Variants in DISC1 observed in about 807,000 individuals in gnomAD.
DISC1 encodes disrupted in schizophrenia 1 protein.
Under a neutral mutation model 84.5 loss-of-function variants are expected in DISC1, and 57 were observed. The observed-to-expected ratio is 0.67, with a 90% CI of 0.55 to 0.84. The LOEUF is 0.84. DISC1 is among the 40% of genes least tolerant of loss of function. The pLI is 0.00. For synonymous variants in DISC1, 411 were observed against 415.2 expected (o/e 0.99, Z 0.12); for missense variants, 1,000 against 1,057.8 (o/e 0.95, Z 0.76).
intron 3 of DISC1, among the ~76,000 whole-genome samples, chr1:231,746,195 T>A (rs1479674229): frequency 6.6e-6 from 1 of 152,192 alleles, no homozygotes; most frequent in Non-Finnish European, 1.5e-5. Flanking sequence ...CACATATGAG[T>A]GAAAACATGT....
chr1:231,760,994 T>C (rs1006594383), intron 4 of DISC1, among the ~76,000 whole-genome samples: 2 of 152,222 alleles, frequency 1.3e-5, no homozygotes, highest in Non-Finnish European at 2.9e-5. Flanking sequence ...ATGGTAAAAA[T>C]TGTCAATGGA....
At chr1:231,985,688 A>T (rs1664327388) in intron 10 of DISC1, among the ~76,000 whole-genome samples, 2 of 152,174 alleles carry the variant, frequency 1.3e-5, no homozygotes, top group Admixed American at 1.3e-4. Flanking sequence ...TATGTCTGTT[A>T]GCCATTTGTA....
chr1:231,766,288 T>TAAA (rs61578768), intron 4 of DISC1, among the ~76,000 whole-genome samples: 1,463 of 105,932 alleles, frequency 0.014, 34 homozygotes, highest in African/African-American at 0.031. Context: ...AGACATTATC[T>TAAA]AAAAAAAAAA....
intron 10 of DISC1, among the ~76,000 whole-genome samples, chr1:232,004,333 C>T (rs1416640218): frequency 1.3e-5 from 2 of 151,640 alleles, no homozygotes; most frequent in Non-Finnish European, 2.9e-5. Context: ...TTTGATAAGA[C>T]TGAATAAGAT....
intron 1 of DISC1, among the ~76,000 whole-genome samples, chr1:231,656,702 G>C (rs560560742): frequency 5.3e-4 from 81 of 152,270 alleles, no homozygotes; most frequent in Middle Eastern, 6.8e-3. Flanking sequence ...GTGCCATGGT[G>C]GTTTGCTGCA....
intron 9 of DISC1, among the ~76,000 whole-genome samples, chr1:231,893,140 G>T (rs374821541): frequency 1.5e-4 from 23 of 152,192 alleles, no homozygotes; most frequent in African/African-American, 4.8e-4. Flanking sequence ...TCCTGCCTGG[G>T]TGACACAGCA....
chr1:231,864,965 G>T (rs1292853522), intron 9 of DISC1, among the ~76,000 whole-genome samples: 7 of 152,168 alleles, frequency 4.6e-5, no homozygotes, highest in African/African-American at 1.7e-4. Flanking sequence ...TCTCAGTTAT[G>T]TAGTTATGAA....
rs1670583751 is a variant in DISC1 at position 232,037,248 on chromosome 1, A to G, written c.*417A>G. The G allele has an allele frequency of 6.5e-6, 1 of 153,142 alleles. No homozygotes were observed. Among genetic ancestry groups the G allele is most frequent in the South Asian group, 2.1e-4 (1 of 4,852 alleles). The allele number at this position is 153,142 out of a possible 1,614,324, so 9.5% of individuals were successfully genotyped here. A position where few individuals can be genotyped will look rare whatever the true frequency, so the allele number is the denominator to read the frequency against. On this transcript the variant is annotated 3_prime_UTR_variant, in exon 13 of 13. Transcript: ENST00000439617. Reference sequence around the variant, plus strand: ...TTCAAGATTCTATAAAAAGGAAACCAAGCATAAGACTCTGTCATCATACCT... The same window carrying G: ...TTCAAGATTCTATAAAAAGGAAACCGAGCATAAGACTCTGTCATCATACCT...
chr1:231,722,276 A>G (rs2069886232), intron 3 of DISC1, among the ~76,000 whole-genome samples: 1 of 151,986 alleles, frequency 6.6e-6, no homozygotes, highest in Non-Finnish European at 1.5e-5. Context: ...TTCATGTTTG[A>G]TAGAAGCTTG....
At chr1:231,800,820 T>A (rs1243032291) in intron 8 of DISC1, among the ~76,000 whole-genome samples, 1 of 151,962 alleles carries the variant, frequency 6.6e-6, no homozygotes, top group Non-Finnish European at 1.5e-5. Context: ...AATGGACTGA[T>A]GGGGAGGTTG....
intron 6 of DISC1, among the ~76,000 whole-genome samples, chr1:231,780,143 C>T (rs1437635188): frequency 6.7e-5 from 10 of 148,160 alleles, no homozygotes; most frequent in Admixed American, 3.4e-4. Flanking sequence ...TGCTAGATGA[C>T]GAGTTAGTGG....
intron 9 of DISC1, among the ~76,000 whole-genome samples, chr1:231,839,270 T>C (rs555524195): frequency 6.6e-6 from 1 of 152,248 alleles, no homozygotes; most frequent in African/African-American, 2.4e-5. Flanking sequence ...TTGGGAAAGT[T>C]TGCTAATCAC....
intron 10 of DISC1, among the ~76,000 whole-genome samples, chr1:231,999,531 G>A (rs371340782): frequency 8.2e-4 from 125 of 152,180 alleles, no homozygotes; most frequent in African/African-American, 2.9e-3. Flanking sequence ...CACCTGGTTA[G>A]CCAGGAGCCC....
At chr1:231,987,383 C>T (rs1304359287) in intron 10 of DISC1, among the ~76,000 whole-genome samples, 1 of 152,216 alleles carries the variant, frequency 6.6e-6, no homozygotes, top group Non-Finnish European at 1.5e-5. Context: ...GGTTAAGATG[C>T]ACTTTGTATT....
At position 231,732,861 on chromosome 1, in the gene DISC1, G is replaced by A. The variant is rs149637055; in HGVS notation, c.1118-17065G>A. On this transcript the variant is annotated intron_variant, in intron 3 of 12. Coordinates refer to ENST00000439617, the MANE Select transcript of DISC1 (RefSeq NM_018662.3). ...AGCGGAGGTGATAGTAGCAGTGGTCGTGGTGCTGATGATAGTACGTGTGAG... is the reference window on the plus strand; with the variant it reads ...AGCGGAGGTGATAGTAGCAGTGGTCATGGTGCTGATGATAGTACGTGTGAG... Among the ~76,000 whole-genome samples the A allele has an allele frequency of 1.6e-4, 24 of 152,334 alleles. No individual in the cohort carries two copies. In the East Asian group the frequency reaches 4.2e-3, roughly 27 times the overall value.
chr1:231,882,247 A>G (rs1315200914), intron 9 of DISC1, among the ~76,000 whole-genome samples: 1 of 152,154 alleles, frequency 6.6e-6, no homozygotes, highest in Non-Finnish European at 1.5e-5. Context: ...GGAAGAGATA[A>G]TCTCTAAATA....
chr1:232,010,607 T>A (rs1164474961), intron 11 of DISC1, among the ~76,000 whole-genome samples: 2 of 151,912 alleles, frequency 1.3e-5, no homozygotes, highest in African/African-American at 4.8e-5. Context: ...ACAGACAGAG[T>A]AACAAGAGAA....
At chr1:231,812,000 G>A (rs2080347767) in intron 8 of DISC1, among the ~76,000 whole-genome samples, 1 of 152,142 alleles carries the variant, frequency 6.6e-6, no homozygotes, top group African/African-American at 2.4e-5. Flanking sequence ...CTCAAATAAT[G>A]ACCTCAGGTG....
At chr1:231,750,614 C>G in intron 4 of DISC1, 1 of 982,278 alleles carries the variant, frequency 1.0e-6, no homozygotes, top group Non-Finnish European at 1.2e-6. Context: ...GTTTGAATAA[C>G]TTAGAAAGAT....
Sources: gnomAD v4.1 joint callset for allele counts (sites outside exome capture counted in the v4.1 genomes callset) on GRCh38, gnomAD v4.1.1 for gene constraint, MANE v1.5 for transcripts, NCBI Gene and HGNC (gene_info 2026-07-23, HGNC 2026-07-21) for gene names.